DAW1: variants seen among roughly 807,000 people sequenced by gnomAD.
The protein encoded by DAW1 is dynein assembly factor with WD repeat domains 1.
A neutral mutation model predicts 56.5 loss-of-function variants in DAW1; 47 were observed. The ratio of observed to expected loss-of-function variants is 0.83; its 90% confidence interval spans 0.66 to 1.06. The LOEUF (loss-of-function observed/expected upper bound fraction) is 1.06. DAW1 is among the 50% of genes least tolerant of loss of function. The pLI is 0.00. For synonymous variants in DAW1, 190 were observed against 179.0 expected (o/e 1.06, Z -0.49); for missense variants, 505 against 499.3 (o/e 1.01, Z -0.11).
chr2:227,897,400 T>G (rs1691435419), intron 5 of DAW1, among the ~76,000 whole-genome samples: 1 of 152,202 alleles, frequency 6.6e-6, no homozygotes, highest in African/African-American at 2.4e-5. Context: ...ATTTCTAGTC[T>G]GCTTTAGGAT....
chr2:227,874,417 G>A (rs1031908817), intron 1 of DAW1, among the ~76,000 whole-genome samples: 5 of 151,998 alleles, frequency 3.3e-5, no homozygotes, highest in Admixed American at 2.0e-4. Flanking sequence ...ATGTTTTCAC[G>A]CGGATTGCCC....
chr2:227,905,406 C>A (rs1259194881), intron 8 of DAW1, among the ~76,000 whole-genome samples: 1 of 152,168 alleles, frequency 6.6e-6, no homozygotes. Flanking sequence ...AGTCCAAGAA[C>A]TTCAATTTCC....
At chr2:227,920,757 A>G (rs1264836553) in intron 11 of DAW1, among the ~76,000 whole-genome samples, 1 of 151,658 alleles carries the variant, frequency 6.6e-6, no homozygotes, top group Non-Finnish European at 1.5e-5. Flanking sequence ...GCTCACTGCA[A>G]CCTCCACCTC....
rs1222432503 is a variant in DAW1 at position 227,901,775 on chromosome 2, GT to G, written c.541-1225del. ...GGTAGACTGTTTCCCAAGAAATTTG[GT>G]TGTAAAGGAGGAAGAAGAGTTGCTA... is the stretch of plus-strand genomic sequence containing the variant. On this transcript the variant is annotated intron_variant, in intron 6 of 12. Coordinates refer to ENST00000309931, the MANE Select transcript of DAW1 (RefSeq NM_178821.3). Among the ~76,000 whole-genome samples, 4 of 152,110 alleles carry G rather than the reference GT, an allele frequency of 2.6e-5. No homozygotes were observed. The East Asian group carries it at 7.7e-4, about 29-fold the overall frequency.
At chr2:227,901,138 C>G (rs10206904) in intron 6 of DAW1, among the ~76,000 whole-genome samples, 130,361 of 152,086 alleles carry the variant, frequency 0.86, 55,986 homozygotes, top group Middle Eastern at 0.96. Flanking sequence ...CTGAAATCCA[C>G]GTGAAAAATG....
At chr2:227,889,718 T>C (rs1047348875) in intron 2 of DAW1, 138 bp from the exon 3 acceptor site, 9 of 641,812 alleles carry the variant, frequency 1.4e-5, no homozygotes, top group Non-Finnish European at 2.2e-5. Flanking sequence ...CCCCCAGATA[T>C]CTCTTGGGAA....
chr2:227,906,166 G>A, intron 8 of DAW1, 70 bp from the exon 9 acceptor site: 1 of 1,222,874 alleles, frequency 8.2e-7, no homozygotes, highest in Non-Finnish European at 1.2e-6. Flanking sequence ...GATGGGCTTG[G>A]CCTCATTATT....
intron 1 of DAW1, among the ~76,000 whole-genome samples, chr2:227,873,889 C>T (rs186189004): frequency 8.3e-4 from 127 of 152,246 alleles, no homozygotes; most frequent in African/African-American, 2.7e-3. Flanking sequence ...CCATGTTGGC[C>T]AGGCTGGTCT....
At chr2:227,887,553 CT>C (rs762317748) in intron 2 of DAW1, 4 of 152,130 alleles carry the variant, frequency 2.6e-5, no homozygotes, top group Non-Finnish European at 5.9e-5. Context: ...TACAGATAAG[CT>C]TCTATATGAG....
chr2:227,872,275 C>CAAAAAA (rs770519868), intron 1 of DAW1: 4 of 45,112 alleles, frequency 8.9e-5, no homozygotes, highest in African/African-American at 3.3e-4. Context: ...GAAACATCTG[C>CAAAAAA]AAAAAAAAAA....
intron 10 of DAW1, chr2:227,912,136 C>T (rs1691840157): frequency 5.5e-6 from 2 of 363,414 alleles, no homozygotes; most frequent in Non-Finnish European, 5.4e-6. Context: ...TATGTGTGTA[C>T]ATTGTCTTTT....
At chr2:227,906,176 T>G (rs1691675704) in intron 8 of DAW1, 60 bp from the exon 9 acceptor site, 8 of 1,357,214 alleles carry the variant, frequency 5.9e-6, no homozygotes, top group Non-Finnish European at 8.3e-6. Context: ...GCCTCATTAT[T>G]CATGTGCATA....
chr2:227,919,794 T>C (rs1473727527), intron 11 of DAW1, among the ~76,000 whole-genome samples: 1 of 152,200 alleles, frequency 6.6e-6, no homozygotes, highest in Admixed American at 6.5e-5. Flanking sequence ...CACAATCCCT[T>C]GGTTCCCTGT....
At position 227,912,342 on chromosome 2, in the gene DAW1, C is replaced by G. The variant is rs1206470016; in HGVS notation, c.973+5090C>G. The G allele has an allele frequency of 2.3e-6, 3 of 1,304,148 alleles. No individual in the cohort carries two copies. The East Asian group carries it at 1.7e-4, about 72-fold the overall frequency. 80.8% of individuals were successfully genotyped at this position (1,304,148 alleles called of 1,614,324 possible). The stretch of plus-strand genomic sequence containing the variant: ...GCGCCTCCCAGGTTCAAGCGATTCT[C>G]CTGCCTCAGCCGCCCGAGTTATGTC... On this transcript the variant is annotated intron_variant, in intron 10 of 12. Transcript: ENST00000309931.
chr2:227,875,822 T>C (rs1041058830), intron 1 of DAW1, among the ~76,000 whole-genome samples: 1 of 152,222 alleles, frequency 6.6e-6, no homozygotes, highest in Non-Finnish European at 1.5e-5. Flanking sequence ...GCAGGAACTT[T>C]GTCTATTTTG....
At chr2:227,885,214 A>G (rs1323325089) in intron 1 of DAW1, 137 bp from the exon 2 acceptor site, 14 of 548,382 alleles carry the variant, frequency 2.6e-5, no homozygotes, top group Non-Finnish European at 4.1e-5. Context: ...TTTTGGAACT[A>G]GATATCACTG....
At chr2:227,911,263 TATAC>T (rs990268484) in intron 10 of DAW1, among the ~76,000 whole-genome samples, 3 of 145,822 alleles carry the variant, frequency 2.1e-5, no homozygotes, top group African/African-American at 7.7e-5. Context: ...TACACGTGTA[TATAC>T]ACATATACAC....
At chr2:227,912,452 TCTG>T in intron 10 of DAW1, 1 of 1,304,696 alleles carries the variant, frequency 7.7e-7, no homozygotes. Flanking sequence ...GCCTGTGTCA[TCTG>T]CTGTCAACAA....
chr2:227,892,351 C>T (rs1691285296), intron 4 of DAW1, among the ~76,000 whole-genome samples: 1 of 152,094 alleles, frequency 6.6e-6, no homozygotes, highest in Non-Finnish European at 1.5e-5. Flanking sequence ...TCAGGCTGGT[C>T]TCGAACACCT....
Sources: allele counts gnomAD v4.1 joint callset (sites outside exome capture counted in the v4.1 genomes callset), GRCh38; gene constraint gnomAD v4.1.1; transcripts MANE v1.5; gene names NCBI Gene and HGNC (gene_info 2026-07-23, HGNC 2026-07-21).